HARBI1: variants seen among roughly 807,000 people sequenced by gnomAD.
HARBI1 encodes harbinger transposase derived 1, also known as putative nuclease HARBI1.
In HARBI1, 15 loss-of-function variants were observed where a neutral mutation model predicts 25.3. The ratio of observed to expected loss-of-function variants is 0.59; its 90% CI spans 0.40 to 0.91. The LOEUF is 0.91. HARBI1 is among the 40% of genes least tolerant of loss of function. The pLI, the probability that HARBI1 is intolerant of heterozygous loss-of-function variation, is 0.00. For synonymous variants in HARBI1, 168 were observed against 160.5 expected (o/e 1.05, Z -0.35); for missense variants, 396 against 445.8 (o/e 0.89, Z 1.01).
intron 2 of HARBI1, among the ~76,000 whole-genome samples, chr11:46,610,099 C>T (rs1296490486): frequency 2.0e-5 from 3 of 150,908 alleles, no homozygotes; most frequent in African/African-American, 4.9e-5. Flanking sequence ...GTGATCCACC[C>T]GCTTTGGCCT....
In HARBI1 at chr11:46,616,343, A is replaced by G; in HGVS notation, c.-106T>C. ...AAGAAAGTATCAGAATCCAACAGCTAACCACAGTTAAATGGCTCTGCCATT... is the reference window on the plus strand; with the variant it reads ...AAGAAAGTATCAGAATCCAACAGCTGACCACAGTTAAATGGCTCTGCCATT... On this transcript the variant is annotated 5_prime_UTR_variant, in exon 2 of 3. An upstream open reading frame in the 5' UTR loses its in-frame stop. Transcript: ENST00000326737. The G allele has an allele frequency of 6.7e-7, 1 of 1,493,170 alleles. No homozygotes were observed. 92.5% of individuals were successfully genotyped at this position (1,493,170 alleles called of 1,614,324 possible).
In HARBI1 at chr11:46,603,268, C is replaced by A; in HGVS notation, c.*262G>T. The stretch of plus-strand genomic sequence containing the variant: ...GTCATAAATGTTTGCAACCACTGAG[C>A]TTTCAAATTAGTGGTACTCAACCTA... On this transcript the variant is annotated 3_prime_UTR_variant, in exon 3 of 3. Transcript: ENST00000326737. 1 of 314,740 alleles carries A rather than the reference C, an allele frequency of 3.2e-6. No individual in the cohort carries two copies. The highest frequency in any genetic ancestry group is 8.1e-5 in the South Asian group (1 of 12,276). The allele number at this position is 314,740 out of a possible 1,614,324, so 19.5% of individuals were successfully genotyped here. A position where few individuals can be genotyped will look rare whatever the true frequency, so the allele number is the denominator to read the frequency against.
upstream of HARBI1, chr11:46,617,631 G>A (rs556773501): frequency 6.4e-5 from 25 of 387,910 alleles, no homozygotes; most frequent in South Asian, 2.0e-3. Context: ...CTTAAGGCGG[G>A]AGTGACCGCT....
chr11:46,605,479 C>T (rs1209972563), intron 2 of HARBI1, among the ~76,000 whole-genome samples: 1 of 151,858 alleles, frequency 6.6e-6, no homozygotes, highest in African/African-American at 2.4e-5. Context: ...CCTGGAATTA[C>T]AGCGCCGAGC....
chr11:46,617,021 C>T (rs968610864), intron 1 of HARBI1, 103 bp downstream of exon 1: 1 of 985,178 alleles, frequency 1.0e-6, no homozygotes. Context: ...GCTGGCCGAA[C>T]CAGGTTTGGG....
In HARBI1 at chr11:46,616,180, G is replaced by A. The variant is rs1480221673; in HGVS notation, c.58C>T (p.Arg20Trp). ...CDLLLYGRGHRTLDRFKLDDV... is the reference protein window; with the variant it reads ...CDLLLYGRGHWTLDRFKLDDV... ...TCCAGCTTAAAACGGTCCAATGTCC[G>A]GTGACCACGGCCATATAGCAAGAGG... Residue 20 changes from arginine to tryptophan, a missense_variant, in exon 2 of 3, where the codon CGG becomes TGG. Transcript: ENST00000326737. 6.2e-7 allele frequency: 1 copy of A among 1,613,378 alleles called. No homozygotes were observed.
At chr11:46,610,332 G>T (rs1302556400) in intron 2 of HARBI1, among the ~76,000 whole-genome samples, 3 of 146,738 alleles carry the variant, frequency 2.0e-5, no homozygotes, top group African/African-American at 5.1e-5. Flanking sequence ...AAATACATGT[G>T]TGTGTATGTA....
At chr11:46,615,012 A>G (rs1398934362) in intron 2 of HARBI1, among the ~76,000 whole-genome samples, 2 of 152,110 alleles carry the variant, frequency 1.3e-5, no homozygotes, top group Non-Finnish European at 2.9e-5. Context: ...TCCCGGGTTC[A>G]AGCGATTCTC....
chr11:46,605,987 G>C (rs977987519), intron 2 of HARBI1, among the ~76,000 whole-genome samples: 1 of 151,566 alleles, frequency 6.6e-6, no homozygotes, highest in African/African-American at 2.4e-5. Context: ...ACAGTTTCAA[G>C]CAATTCTCCT....
chr11:46,617,839 C>T (rs1169048238), upstream of HARBI1: 4 of 399,112 alleles, frequency 1.0e-5, no homozygotes, highest in Non-Finnish European at 1.8e-5. Flanking sequence ...GTCCCAGGTC[C>T]CGGCCTCCGT....
At position 46,603,743 on chromosome 11, in the gene HARBI1, C is replaced by A. The variant is rs767973635; in HGVS notation, c.837G>T (p.Gly279=). Residue 279 remains glycine, a synonymous_variant, in exon 3 of 3, where the codon GGG becomes GGT. Transcript: ENST00000326737. ...ATTTCTCTGGTGAGTACTGCAGTGCCCCCTTGGATCCATCCAGGCAGCGGA... is the reference window on the plus strand; with the variant it reads ...ATTTCTCTGGTGAGTACTGCAGTGCACCCTTGGATCCATCCAGGCAGCGGA... ...SRFRCLDGSK[G]ALQYSPEKSS... 6 of 1,614,046 alleles carry A rather than the reference C, an allele frequency of 3.7e-6. No homozygotes were observed. Among genetic ancestry groups the A allele is most frequent in the Non-Finnish European group, 5.1e-6 (6 of 1,180,042 alleles).
intron 2 of HARBI1, among the ~76,000 whole-genome samples, chr11:46,608,193 G>A (rs894759661): frequency 2.6e-5 from 4 of 152,110 alleles, no homozygotes; most frequent in Non-Finnish European, 5.9e-5. Context: ...AGCTACTCAG[G>A]AGGCTGAGGC....
rs1014117771 is a variant in HARBI1, at chr11:46,614,152, G to T, written c.670+1416C>A. Among the ~76,000 whole-genome samples the T allele has an allele frequency of 1.6e-4, 24 of 151,338 alleles. 1 individual carries two copies. The highest frequency in any genetic ancestry group is 2.8e-4 in the Non-Finnish European group (19 of 67,798). ...TAATATATATATATATATAGGCTGG[G>T]CATGGTGGCTCACGCCTGTAATCCC... On this transcript the variant is annotated intron_variant, in intron 2 of 2. Transcript: ENST00000326737.
At chr11:46,613,687 T>G (rs2045272593) in intron 2 of HARBI1, among the ~76,000 whole-genome samples, 1 of 151,984 alleles carries the variant, frequency 6.6e-6, no homozygotes, top group Non-Finnish European at 1.5e-5. Context: ...TTCACTATGT[T>G]GGACAGGCTG....
chr11:46,615,851 C>T lies in HARBI1; in HGVS notation c.387G>A (p.Gln129=), dbSNP rs749659169. The T allele has an allele frequency of 6.2e-7, 1 of 1,614,222 alleles. No individual in the cohort carries two copies. Among genetic ancestry groups the T allele is most frequent in the East Asian group, 2.2e-5 (1 of 44,886 alleles). The change falls in exon 2 of 3, where the codon CAG becomes CAA. Residue 129 remains glutamine, a synonymous_variant. Transcript: ENST00000326737. ...ACCCATAGAATTCATCCTTCAGAGC[C>T]TGAATGGAGGCTTCATCAGCTGGAA... The part of the protein sequence containing the change: ...IRFPADEASI[Q]ALKDEFYGLA...
At chr11:46,606,806 C>T (rs551184409) in intron 2 of HARBI1, among the ~76,000 whole-genome samples, 3 of 152,214 alleles carry the variant, frequency 2.0e-5, no homozygotes, top group African/African-American at 7.2e-5. Context: ...CAACACCCAG[C>T]TAATTTTTAA....
chr11:46,604,094 A>G lies in HARBI1; in HGVS notation c.671-185T>C, dbSNP rs1406277604. ...AAATCATGCCAATGCCAGGAGCAGA[A>G]AGACACGAGTTCTGGCTGAGAATGT... On this transcript the variant is annotated intron_variant, in intron 2 of 2. Transcript: ENST00000326737. 3.0e-6 allele frequency: 3 copies of G among 985,328 alleles called. No homozygotes were observed. In the African/African-American group the frequency reaches 5.2e-5, roughly 17 times the overall value. 61.0% of individuals were successfully genotyped at this position (985,328 alleles called of 1,614,324 possible).
intron 2 of HARBI1, among the ~76,000 whole-genome samples, chr11:46,605,348 A>C (rs1411827084): frequency 2.0e-5 from 3 of 152,162 alleles, no homozygotes; most frequent in Admixed American, 2.0e-4. Flanking sequence ...GACCACAGGC[A>C]TGCGCCACCA....
intron 1 of HARBI1, 37 bp downstream of exon 1, chr11:46,617,087 G>T: frequency 1.2e-6 from 1 of 816,508 alleles, no homozygotes; most frequent in Non-Finnish European, 1.5e-6. Flanking sequence ...AAGTCTGATT[G>T]CGCCGGCCAC....
Sources: gnomAD v4.1 joint callset for allele counts (sites outside exome capture counted in the v4.1 genomes callset) on GRCh38, gnomAD v4.1.1 for gene constraint, MANE v1.5 for transcripts, NCBI Gene and HGNC (gene_info 2026-07-23, HGNC 2026-07-21) for gene names.